GALNT18: variants seen among roughly 807,000 people sequenced by gnomAD.
GALNT18 encodes polypeptide N-acetylgalactosaminyltransferase 18.
GALNT18 carries 44 observed loss-of-function variants against 69.5 expected under a neutral mutation model. The ratio of observed to expected loss-of-function variants is 0.63; its 90% CI spans 0.50 to 0.81. The LOEUF is 0.81. Among genes scored for constraint, GALNT18 ranks in the 40% least tolerant of loss-of-function variants. The probability of loss-of-function intolerance (pLI) is 0.00; values close to 1 mark genes in which losing one functional copy is unlikely to be tolerated. For synonymous variants in GALNT18, 364 were observed against 318.2 expected (o/e 1.14, Z -1.53); for missense variants, 715 against 810.0 (o/e 0.88, Z 1.42).
chr11:11,352,033 G>A (rs1290588037), intron 6 of GALNT18: 3 of 1,613,616 alleles, frequency 1.9e-6, no homozygotes, highest in Admixed American at 1.7e-5. Context: ...GGTCCAAGGG[G>A]TGAAGGAGTT....
intron 1 of GALNT18, among the ~76,000 whole-genome samples, chr11:11,464,335 T>G (rs1322144971): frequency 1.3e-5 from 2 of 152,154 alleles, no homozygotes; most frequent in African/African-American, 2.4e-5. Flanking sequence ...TAGGCTCAGA[T>G]CTAAGGAGGA....
chr11:11,535,486 T>C (rs909439438), intron 1 of GALNT18, among the ~76,000 whole-genome samples: 28 of 152,352 alleles, frequency 1.8e-4, no homozygotes, highest in African/African-American at 6.3e-4. Context: ...GCTGCCCTTA[T>C]TGTCCATGGA....
At chr11:11,521,481 C>T (rs908339538) in intron 1 of GALNT18, among the ~76,000 whole-genome samples, 3 of 151,960 alleles carry the variant, frequency 2.0e-5, no homozygotes, top group African/African-American at 7.3e-5. Flanking sequence ...CTCCAGTTCT[C>T]GGGACGCTGC....
chr11:11,278,520 AG>A (rs1382604525), intron 10 of GALNT18, among the ~76,000 whole-genome samples: 1 of 152,100 alleles, frequency 6.6e-6, no homozygotes, highest in East Asian at 1.9e-4. Context: ...TAAAAAAAAA[AG>A]GGAGATTGTT....
intron 9 of GALNT18, among the ~76,000 whole-genome samples, chr11:11,302,546 C>A (rs1308915539): frequency 6.6e-6 from 1 of 152,128 alleles, no homozygotes; most frequent in Non-Finnish European, 1.5e-5. Context: ...TGCCTTGACA[C>A]AGATGGGAGC....
At chr11:11,274,822 GTTC>G (rs1848906099) in intron 10 of GALNT18, among the ~76,000 whole-genome samples, 1 of 152,284 alleles carries the variant, frequency 6.6e-6, no homozygotes, top group East Asian at 1.9e-4. Flanking sequence ...GTTCTTTGCT[GTTC>G]TTATGATAGT....
intron 1 of GALNT18, among the ~76,000 whole-genome samples, chr11:11,593,069 A>G (rs1407249011): frequency 3.3e-5 from 5 of 151,922 alleles, no homozygotes; most frequent in East Asian, 3.9e-4. Flanking sequence ...GCACCCCCCA[A>G]CGCTCGGCTA....
rs1849712336 is a variant in GALNT18 at position 11,314,052 on chromosome 11, G to A, written c.1512+13034C>T. On this transcript the variant is annotated intron_variant, in intron 9 of 10. Coordinates refer to ENST00000227756, the MANE Select transcript of GALNT18 (RefSeq NM_198516.3). This position sits in a 1 kb window ranked among gnomAD's most constrained non-coding sequence, Gnocchi z 5.2. Reference sequence around the variant, plus strand: ...TTACTGATCAGGGAGGCTCAGTGAGGTAATGTGACTTGGCAGAGAGCACAG... The same window carrying A: ...TTACTGATCAGGGAGGCTCAGTGAGATAATGTGACTTGGCAGAGAGCACAG... 6.6e-6 allele frequency among the ~76,000 whole-genome samples: 1 copy of A among 152,166 alleles called. No homozygotes were observed. Among genetic ancestry groups the A allele is most frequent in the Non-Finnish European group, 1.5e-5 (1 of 68,032 alleles).
Position 11,586,700 on chromosome 11 carries a change from T to A in GALNT18, c.235+34659A>T, listed in dbSNP as rs112950175. On this transcript the variant is annotated intron_variant, in intron 1 of 10. Coordinates refer to ENST00000227756, the MANE Select transcript of GALNT18 (RefSeq NM_198516.3). This position sits in a 1 kb window ranked among gnomAD's most constrained non-coding sequence, Gnocchi z 4.1. ...CTTAAAATACTGAAATAGGCCGGGC[T>A]TGGTAGCTCATGCCTGTAATCACAG... Among the ~76,000 whole-genome samples, 4,556 of 152,244 alleles carry A rather than the reference T, an allele frequency of 0.03. 214 individuals carry two copies. Among genetic ancestry groups the A allele is most frequent in the African/African-American group, 0.1 (4,304 of 41,508 alleles).
Position 11,546,925 on chromosome 11 carries a change from ATCT to A in GALNT18, c.235+74431_235+74433del, listed in dbSNP as rs1261127587. Among the ~76,000 whole-genome samples the A allele has an allele frequency of 2.0e-5, 3 of 150,686 alleles. No individual in the cohort carries two copies. Among genetic ancestry groups the A allele is most frequent in the Non-Finnish European group, 3.0e-5 (2 of 67,778 alleles). On this transcript the variant is annotated intron_variant, in intron 1 of 10. Coordinates refer to ENST00000227756, the MANE Select transcript of GALNT18 (RefSeq NM_198516.3). The surrounding 1 kb of genome is among the most constrained non-coding windows in gnomAD (Gnocchi z 5.8). ...AGATGGGTAGGTGGATGGATATGGA[ATCT>A]TCTTTTTTTTTTTTTAACTCTTGTC...
chr11:11,335,650 C>T (rs1034678442), intron 7 of GALNT18, among the ~76,000 whole-genome samples: 7 of 152,096 alleles, frequency 4.6e-5, no homozygotes, highest in African/African-American at 7.2e-5. Context: ...AATCATCCTG[C>T]GTTTGGGGCT....
intron 3 of GALNT18, among the ~76,000 whole-genome samples, chr11:11,420,503 A>G (rs913163152): frequency 5.3e-5 from 8 of 152,226 alleles, no homozygotes; most frequent in African/African-American, 9.7e-5. Context: ...CAGGAAATCA[A>G]TTCCACCAGA....
rs1454977977 is a variant in GALNT18 at position 11,478,359 on chromosome 11, C to G, written c.236-29423G>C. ...AAGGCAAAATATTTATTTCCCATGG[C>G]CTCTTTCTTGGGAAGCTACTGGAAG... is the stretch of plus-strand genomic sequence containing the variant. On this transcript the variant is annotated intron_variant, in intron 1 of 10. Transcript: ENST00000227756. Among the ~76,000 whole-genome samples the G allele has an allele frequency of 2.6e-5, 4 of 152,170 alleles. 1 individual carries two copies. Among genetic ancestry groups the G allele is most frequent in the Admixed American group, 2.6e-4 (4 of 15,276 alleles).
chr11:11,336,996 C>T (rs1375627718), intron 7 of GALNT18, among the ~76,000 whole-genome samples: 2 of 152,044 alleles, frequency 1.3e-5, no homozygotes, highest in African/African-American at 4.8e-5. Context: ...AGAGGGCTTC[C>T]TGGAGTAAGC....
At chr11:11,354,698 G>A (rs960317774) in intron 6 of GALNT18, among the ~76,000 whole-genome samples, 12 of 151,934 alleles carry the variant, frequency 7.9e-5, no homozygotes, top group East Asian at 5.8e-4. Flanking sequence ...ACAGCTTTTC[G>A]GGACAGGGGA....
At position 11,377,320 on chromosome 11, in the gene GALNT18, A is replaced by T; in HGVS notation, c.839T>A (p.Phe280Tyr). 6.2e-7 allele frequency: 1 copy of T among 1,614,084 alleles called. No homozygotes were observed. The highest frequency in any genetic ancestry group is 1.1e-5 in the South Asian group (1 of 91,070). The change falls in exon 5 of 11, where the codon TTT becomes TAT. Residue 280 changes from phenylalanine (F) to tyrosine (Y), a missense_variant. Transcript: ENST00000227756. The surrounding 1 kb of genome is among the most constrained non-coding windows in gnomAD (Gnocchi z 4.6). ...ENRKRIISPS[F>Y]DNIKYDNFEI... Reference sequence around the variant, plus strand: ...AAAGTTGTCATATTTGATGTTATCAAAGGATGGCGAGATGATCCGCTTCCG... The same window carrying T: ...AAAGTTGTCATATTTGATGTTATCATAGGATGGCGAGATGATCCGCTTCCG...
chr11:11,578,991 G>A (rs933817796), intron 1 of GALNT18, among the ~76,000 whole-genome samples: 5 of 152,172 alleles, frequency 3.3e-5, no homozygotes, highest in Non-Finnish European at 5.9e-5. Context: ...CTTCAGGAAG[G>A]AAGGAAGGAA....
At chr11:11,354,508 T>C (rs1850486893) in intron 6 of GALNT18, among the ~76,000 whole-genome samples, 1 of 152,330 alleles carries the variant, frequency 6.6e-6, no homozygotes, top group South Asian at 2.1e-4. Context: ...AGTTTCCTTG[T>C]CTATGAAATG....
intron 1 of GALNT18, among the ~76,000 whole-genome samples, chr11:11,517,748 T>C (rs968578931): frequency 6.6e-6 from 1 of 152,080 alleles, no homozygotes; most frequent in Non-Finnish European, 1.5e-5. Context: ...TGCTGAGCCA[T>C]CTAGGACCAT....
Sources: gnomAD v4.1 joint callset for allele counts (sites outside exome capture counted in the v4.1 genomes callset) on GRCh38, gnomAD v4.1.1 for gene constraint, Gnocchi (gnomAD v3.1) non-coding constraint, MANE v1.5 for transcripts, NCBI Gene and HGNC (gene_info 2026-07-23, HGNC 2026-07-21) for gene names.